SUGCT: variants seen among roughly 807,000 people sequenced by gnomAD.
The protein encoded by SUGCT is succinyl-CoA:glutarate CoA-transferase.
Under a neutral mutation model 55.0 loss-of-function variants are expected in SUGCT, and 41 were observed. That is an observed-to-expected ratio of 0.74 (90% CI 0.58 to 0.97). The LOEUF (loss-of-function observed/expected upper bound fraction) is 0.97. Among genes scored for constraint, SUGCT ranks in the 50% least tolerant of loss-of-function variants. The pLI is 0.00. For missense variants in SUGCT, 568 were observed against 547.8 expected, an observed-to-expected ratio of 1.04 and a Z score of -0.37; for synonymous variants, 187 against 200.4, an observed-to-expected ratio of 0.93 and a Z score of 0.56.
intron 12 of SUGCT, among the ~76,000 whole-genome samples, chr7:40,607,067 T>C (rs1006640387): frequency 6.6e-6 from 1 of 152,050 alleles, no homozygotes; most frequent in Non-Finnish European, 1.5e-5. Context: ...TGCAATAAAT[T>C]TGAGAAACAC....
intron 9 of SUGCT, among the ~76,000 whole-genome samples, chr7:40,375,210 G>A (rs781023597): frequency 1.3e-5 from 2 of 152,322 alleles, no homozygotes; most frequent in Non-Finnish European, 2.9e-5. Flanking sequence ...GCTGATGTTA[G>A]TAGTACACTT....
rs541244452 is a variant in SUGCT, at chr7:40,830,630, C to T, written c.1154-29686C>T. ...GAACAGGCCTGCCTTGATTATTTCT[C>T]CTTGGCTGGATTCATGTTTCTAAGG... On this transcript the variant is annotated intron_variant, in intron 13 of 13. Transcript: ENST00000335693. 2.6e-5 allele frequency among the ~76,000 whole-genome samples: 4 copies of T among 152,338 alleles called. No individual in the cohort carries two copies. In the East Asian group the frequency reaches 7.7e-4, roughly 29 times the overall value.
the SUGCT span, chr7:40,964,736 T>G: frequency 7.2e-5 from 11 of 152,204 alleles, no homozygotes; most frequent in Non-Finnish European, 2.9e-5. Context: ...CTAGAAGAGT[T>G]GTCTGCACTC....
chr7:40,883,615 A>G, the SUGCT span, among the ~76,000 whole-genome samples: 1 of 152,216 alleles, frequency 6.6e-6, no homozygotes, highest in Admixed American at 6.5e-5. Context: ...TGCTTACTAC[A>G]GAATAAGGCC....
At chr7:40,796,650 A>T (rs1186132031) in intron 13 of SUGCT, among the ~76,000 whole-genome samples, 1 of 152,208 alleles carries the variant, frequency 6.6e-6, no homozygotes, top group Non-Finnish European at 1.5e-5. Flanking sequence ...ATTTTATATC[A>T]TACATAGCAG....
the SUGCT span, among the ~76,000 whole-genome samples, chr7:41,024,946 C>T: frequency 4.6e-3 from 702 of 152,294 alleles, 4 homozygotes; most frequent in African/African-American, 0.016. Context: ...ATAAGTTGTC[C>T]TATATGCATA....
chr7:40,898,697 T>TA, the SUGCT span, among the ~76,000 whole-genome samples: 1,460 of 144,404 alleles, frequency 0.01, 22 homozygotes, highest in African/African-American at 0.034. Context: ...AGACTCCGTC[T>TA]AAAAAAAAAA....
At chr7:40,706,476 A>C (rs1785413235) in intron 12 of SUGCT, among the ~76,000 whole-genome samples, 1 of 152,252 alleles carries the variant, frequency 6.6e-6, no homozygotes, top group South Asian at 2.1e-4. Flanking sequence ...ACTGCACTCC[A>C]ACCTGAGCGA....
At position 40,390,723 on chromosome 7, in the gene SUGCT, G is replaced by A. The variant is rs1315486838; in HGVS notation, c.817-58564G>A. Among the ~76,000 whole-genome samples the A allele has an allele frequency of 2.6e-5, 4 of 152,240 alleles. No homozygotes were observed. The South Asian group carries it at 8.3e-4, about 32-fold the overall frequency. ...GCGATACTGCCCAAGGTAATTTACA[G>A]ATTCAATGCCATCCCCATCAAGCTA... On this transcript the variant is annotated intron_variant, in intron 9 of 13. Transcript: ENST00000335693.
At chr7:40,835,890 CTTTTT>C (rs1011199588) in intron 13 of SUGCT, among the ~76,000 whole-genome samples, 1 of 136,076 alleles carries the variant, frequency 7.3e-6, no homozygotes. Context: ...TCTTTTTTTT[CTTTTT>C]TTTTTTTTTT....
intron 10 of SUGCT, among the ~76,000 whole-genome samples, chr7:40,450,821 G>A (rs1789151497): frequency 6.6e-6 from 1 of 152,016 alleles, no homozygotes; most frequent in Non-Finnish European, 1.5e-5. Flanking sequence ...ATTTACTGTA[G>A]TTAACTTATT....
At chr7:40,462,723 T>TAGC (rs916845265) in intron 11 of SUGCT, among the ~76,000 whole-genome samples, 2 of 152,192 alleles carry the variant, frequency 1.3e-5, no homozygotes, top group Non-Finnish European at 2.9e-5. Context: ...ACTAGGGATA[T>TAGC]AGCAGTAAAA....
the SUGCT span, among the ~76,000 whole-genome samples, chr7:41,009,554 C>T: frequency 2.0e-5 from 3 of 151,710 alleles, no homozygotes; most frequent in Non-Finnish European, 4.4e-5. Flanking sequence ...TTCCATCCAC[C>T]ATCCATCCTT....
chr7:40,377,220 TTCTTTCTTTCTTC>T (rs1784636371), intron 9 of SUGCT, among the ~76,000 whole-genome samples: 1 of 21,612 alleles, frequency 4.6e-5, no homozygotes, highest in Non-Finnish European at 1.1e-4. Context: ...TTTCTTTCTT[TTCTTTCTTTCTTC>T]CCTTCCTTCC....
the SUGCT span, among the ~76,000 whole-genome samples, chr7:40,917,632 CA>C: frequency 6.6e-6 from 1 of 152,106 alleles, no homozygotes; most frequent in Non-Finnish European, 1.5e-5. Flanking sequence ...ACAACAACAA[CA>C]AAAACAAACT....
intron 12 of SUGCT, among the ~76,000 whole-genome samples, chr7:40,522,180 C>T (rs1793566717): frequency 6.6e-6 from 1 of 152,062 alleles, no homozygotes; most frequent in African/African-American, 2.4e-5. Flanking sequence ...AACACTTGTT[C>T]ACCTTGGCAG....
chr7:40,995,993 T>A, the SUGCT span, among the ~76,000 whole-genome samples: 1 of 152,226 alleles, frequency 6.6e-6, no homozygotes, highest in Non-Finnish European at 1.5e-5. Context: ...TCTAGCCCCC[T>A]GAATTGCAAA....
At chr7:40,407,984 G>T (rs1408417371) in intron 9 of SUGCT, among the ~76,000 whole-genome samples, 1 of 151,908 alleles carries the variant, frequency 6.6e-6, no homozygotes, top group South Asian at 2.1e-4. Context: ...TTTCGATGCC[G>T]CCAAGCTTCT....
At chr7:40,500,377 A>T (rs984547227) in intron 12 of SUGCT, among the ~76,000 whole-genome samples, 1 of 152,142 alleles carries the variant, frequency 6.6e-6, no homozygotes, top group Non-Finnish European at 1.5e-5. Flanking sequence ...AACTATTGAA[A>T]TATCACAGCT....
Sources: allele counts gnomAD v4.1 joint callset (sites outside exome capture counted in the v4.1 genomes callset), GRCh38; gene constraint gnomAD v4.1.1; transcripts MANE v1.5; gene names NCBI Gene and HGNC (gene_info 2026-07-23, HGNC 2026-07-21).